The following TENM4 variants were observed in gnomAD, a reference collection of about 807,000 sequenced individuals.
TENM4 encodes the protein teneurin-4.
Under a neutral mutation model 243.3 loss-of-function variants are expected in TENM4, and 82 were observed. The ratio of observed to expected loss-of-function variants is 0.34; its 90% CI spans 0.28 to 0.40. The LOEUF (loss-of-function observed/expected upper bound fraction) is 0.40, where lower values mean the gene tolerates loss of function less well. TENM4 is among the 10% of genes least tolerant of loss of function. The pLI is 1.00. For missense variants in TENM4, 3,138 were observed against 3,673.3 expected (o/e 0.85, Z 3.77); for synonymous variants, 1,412 against 1,456.3 (o/e 0.97, Z 0.69).
At chr11:79,292,958 T>C (rs1220077431) in intron 2 of TENM4, among the ~76,000 whole-genome samples, 2 of 152,178 alleles carry the variant, frequency 1.3e-5, no homozygotes, top group African/African-American at 4.8e-5. Flanking sequence ...CCCTGTACCC[T>C]GTTAAAGGCT....
At position 78,805,375 on chromosome 11, in the gene TENM4, T is replaced by C. The variant is rs763710670; in HGVS notation, c.2096A>G (p.Gln699Arg). ...CETPRATCLD[Q>R]CSGHGTFLPD... is the part of the protein sequence containing the mutation. ...GAGGAAGGTTCCGTGGCCTGAACACTGGTCTAAGCATGTGGCCCTGGGGGT... is the reference window on the plus strand; with the variant it reads ...GAGGAAGGTTCCGTGGCCTGAACACCGGTCTAAGCATGTGGCCCTGGGGGT... Residue 699 changes from glutamine to arginine, a missense_variant, in exon 15 of 34, where the codon CAG (glutamine) becomes CGG (arginine). Transcript: ENST00000278550. 6.6e-7 allele frequency: 1 copy of C among 1,508,640 alleles called. No individual in the cohort carries two copies. The highest frequency in any genetic ancestry group is 8.9e-7 in the Non-Finnish European group (1 of 1,128,746). The allele number at this position is 1,508,640 out of a possible 1,614,324, so 93.5% of individuals were successfully genotyped here. A position where few individuals can be genotyped will look rare whatever the true frequency, so the allele number is the denominator to read the frequency against.
At chr11:79,355,122 C>G (rs1420855353) in intron 1 of TENM4, among the ~76,000 whole-genome samples, 4 of 152,230 alleles carry the variant, frequency 2.6e-5, no homozygotes, top group Admixed American at 6.5e-5. Context: ...CTAGAGCTCA[C>G]CTGCCTTTAC....
At chr11:79,362,942 TAAGATGTCAGC>T (rs1285353410) in intron 1 of TENM4, among the ~76,000 whole-genome samples, 4 of 152,182 alleles carry the variant, frequency 2.6e-5, no homozygotes, top group Admixed American at 2.6e-4. Flanking sequence ...GAGAGAGCTC[TAAGATGTCAGC>T]AGTGGCAATA....
intron 6 of TENM4, among the ~76,000 whole-genome samples, chr11:79,040,594 C>T (rs1409314883): frequency 6.6e-6 from 1 of 152,100 alleles, no homozygotes; most frequent in African/African-American, 2.4e-5. Context: ...AAACATCAAC[C>T]CAAGCTTGCC....
At chr11:78,889,701 G>C in intron 9 of TENM4, 84 bp downstream of exon 9, 1 of 1,402,154 alleles carries the variant, frequency 7.1e-7, no homozygotes, top group Non-Finnish European at 9.8e-7. Context: ...TGCTAGTAAG[G>C]AGCCTTCAGT....
chr11:79,435,725 G>A (rs1311548965), intron 1 of TENM4, among the ~76,000 whole-genome samples: 1 of 152,194 alleles, frequency 6.6e-6, no homozygotes, highest in Non-Finnish European at 1.5e-5. Flanking sequence ...TGCTTATCAA[G>A]TCTCATTTTC....
intron 1 of TENM4, among the ~76,000 whole-genome samples, chr11:79,426,337 G>A (rs1485637849): frequency 6.6e-6 from 1 of 152,196 alleles, no homozygotes; most frequent in Non-Finnish European, 1.5e-5. Context: ...TTACGGACAG[G>A]TGGATGTCTG....
At chr11:79,340,247 T>C (rs996308502) in intron 1 of TENM4, among the ~76,000 whole-genome samples, 8 of 152,178 alleles carry the variant, frequency 5.3e-5, no homozygotes, top group African/African-American at 1.7e-4. Flanking sequence ...TAAAGGGGCA[T>C]TGGGTCTTGT....
At chr11:79,390,603 G>A (rs1006327420) in intron 1 of TENM4, among the ~76,000 whole-genome samples, 2 of 151,954 alleles carry the variant, frequency 1.3e-5, no homozygotes, top group African/African-American at 4.8e-5. Context: ...AAGAGAGGCC[G>A]ATTCAGAGTC....
chr11:79,386,395 A>G lies in TENM4; in HGVS notation c.-321+54114T>C, dbSNP rs1019064221. On this transcript the variant is annotated intron_variant, in intron 1 of 33. Coordinates refer to ENST00000278550, the MANE Select transcript of TENM4 (RefSeq NM_001098816.3). ...AAGACATAAAATGTGCTAATCAAAA[A>G]GGAAAAAGGTTAATAAACTGAATTT... Among the ~76,000 whole-genome samples, 3 of 152,336 alleles carry G rather than the reference A, an allele frequency of 2.0e-5. 1 individual carries two copies. The highest frequency in any genetic ancestry group is 7.2e-5 in the African/African-American group (3 of 41,580).
intron 6 of TENM4, among the ~76,000 whole-genome samples, chr11:78,922,148 G>A (rs944850766): frequency 8.5e-5 from 13 of 152,204 alleles, no homozygotes; most frequent in African/African-American, 3.1e-4. Flanking sequence ...CAGGCGCTCT[G>A]CAGAACATTT....
intron 2 of TENM4, among the ~76,000 whole-genome samples, chr11:79,293,663 C>T (rs541574799): frequency 2.4e-4 from 37 of 152,130 alleles, no homozygotes; most frequent in African/African-American, 6.5e-4. Flanking sequence ...AAAATGCATG[C>T]GAGATGGCTA....
chr11:79,327,653 T>TC (rs1454392465), intron 1 of TENM4, among the ~76,000 whole-genome samples: 4 of 149,350 alleles, frequency 2.7e-5, no homozygotes, highest in Non-Finnish European at 5.9e-5. Flanking sequence ...GGAAAGCTTT[T>TC]TTTTTTTTTT....
chr11:79,001,604 C>T (rs1303062540), intron 6 of TENM4, among the ~76,000 whole-genome samples: 2 of 152,168 alleles, frequency 1.3e-5, no homozygotes, highest in Non-Finnish European at 2.9e-5. Context: ...TAGAGCACGG[C>T]CAGGGATGGC....
At chr11:78,712,334 G>A (rs1859416516) in intron 26 of TENM4, 148 bp downstream of exon 26, 1 of 666,620 alleles carries the variant, frequency 1.5e-6, no homozygotes, top group African/African-American at 1.8e-5. Context: ...AGTATTTCTG[G>A]CAGGTGGAAT....
At chr11:79,305,156 G>T (rs541563396) in intron 1 of TENM4, among the ~76,000 whole-genome samples, 1 of 152,312 alleles carries the variant, frequency 6.6e-6, no homozygotes, top group South Asian at 2.1e-4. Context: ...AAAAGAGCAT[G>T]GGCCTGATCC....
At chr11:79,285,059 G>A (rs932530488) in intron 2 of TENM4, among the ~76,000 whole-genome samples, 3 of 152,072 alleles carry the variant, frequency 2.0e-5, no homozygotes, top group Admixed American at 6.6e-5. Context: ...CCAACATGGT[G>A]AAACCCCGTC....
In TENM4 at chr11:78,756,968, T is replaced by C; in HGVS notation, c.2593A>G (p.Ile865Val). Reference sequence around the variant, plus strand: ...GGGGAGCCAAGGCACAGCGGGTTGATATGGCACAGGGGCTGGAGGCAGCAG... The same window carrying C: ...GGGGAGCCAAGGCACAGCGGGTTGACATGGCACAGGGGCTGGAGGCAGCAG... The part of the protein sequence containing the change: ...PDCCLQPLCH[I>V]NPLCLGSPNP... Residue 865 changes from isoleucine (I) to valine (V), a missense_variant, in exon 19 of 34, where the codon ATC (isoleucine) becomes GTC (valine). Around this residue, in one of 2 missense-constraint regions of TENM4, gnomAD observed 2,467 missense variants for 3,059.1 expected, o/e 0.81. Coordinates refer to ENST00000278550, the MANE Select transcript of TENM4 (RefSeq NM_001098816.3). The C allele has an allele frequency of 6.2e-7, 1 of 1,613,996 alleles. No homozygotes were observed. Among genetic ancestry groups the C allele is most frequent in the Non-Finnish European group, 8.5e-7 (1 of 1,179,896 alleles).
chr11:78,929,597 A>G (rs929237102), intron 6 of TENM4, among the ~76,000 whole-genome samples: 11 of 152,198 alleles, frequency 7.2e-5, no homozygotes, highest in African/African-American at 2.6e-4. Context: ...ATGGAAATGT[A>G]AGACTTAAGC....
Sources: gnomAD v4.1 joint callset for allele counts (sites outside exome capture counted in the v4.1 genomes callset) on GRCh38, gnomAD v4.1.1 for gene constraint, gnomAD v4.1.1 regional missense constraint, MANE v1.5 for transcripts, NCBI Gene and HGNC (gene_info 2026-07-23, HGNC 2026-07-21) for gene names.